The following TESK2 variants were observed in gnomAD, a reference collection of about 807,000 sequenced individuals.
TESK2 encodes the protein dual specificity testis-specific protein kinase 2.
In TESK2, 39 loss-of-function variants were observed where a neutral mutation model predicts 57.1. That is an observed-to-expected ratio of 0.68 (90% CI 0.53 to 0.89). The LOEUF (loss-of-function observed/expected upper bound fraction) is 0.89, where lower values mean the gene tolerates loss of function less well. Ranked by LOEUF, TESK2 falls within the 40% of genes least tolerant of loss-of-function variation. TESK2 has a pLI of 0.00. For missense variants in TESK2, 646 were observed against 732.1 expected (o/e 0.88, Z 1.36); for synonymous variants, 249 against 267.9 (o/e 0.93, Z 0.69).
At chr1:45,429,374 T>C (rs1276437592) in intron 2 of TESK2, among the ~76,000 whole-genome samples, 1 of 151,966 alleles carries the variant, frequency 6.6e-6, no homozygotes, top group Non-Finnish European at 1.5e-5. Context: ...CCAGCCTGGG[T>C]GACAGAGCGC....
intron 1 of TESK2, among the ~76,000 whole-genome samples, chr1:45,484,104 CTTTTTTTTTT>C (rs533666070): frequency 8.2e-5 from 7 of 84,862 alleles, no homozygotes; most frequent in Non-Finnish European, 1.6e-4. Flanking sequence ...TTTAATTCTT[CTTTTTTTTTT>C]TTTTTTTTTT....
At position 45,355,356 on chromosome 1, in the gene TESK2, C is replaced by G; in HGVS notation, c.487G>C (p.Gly163Arg). The change falls in exon 5 of 11, where the codon GGC becomes CGC. Residue 163 changes from glycine (G) to arginine (R), a missense_variant. Physicochemically the swap from Gly to Arg is moderately radical, Grantham distance 125. Coordinates refer to ENST00000372086, the MANE Select transcript of TESK2 (RefSeq NM_007170.3). ...RVKLAYDIAV[G>R]LSYLHFKGIF... is the part of the protein sequence containing the mutation. ...CCTTTGAAGTGAAGGTAGCTGAGGC[C>G]CACTGCTATGTCATAGGCCAGTTTT... 2 of 1,613,794 alleles carry G rather than the reference C, an allele frequency of 1.2e-6. No individual in the cohort carries two copies. The highest frequency in any genetic ancestry group is 2.7e-5 in the African/African-American group (2 of 74,950).
intron 4 of TESK2, among the ~76,000 whole-genome samples, chr1:45,369,563 TAGG>T (rs1261482301): frequency 6.6e-6 from 1 of 151,826 alleles, no homozygotes; most frequent in African/African-American, 2.4e-5. Context: ...AAATTCTATA[TAGG>T]AGAAGATGAA....
At chr1:45,384,610 T>TTA in intron 4 of TESK2, among the ~76,000 whole-genome samples, 1 of 123,648 alleles carries the variant, frequency 8.1e-6, no homozygotes, top group South Asian at 2.7e-4. Flanking sequence ...TTTTTTTTTT[T>TTA]TTTTTTTTTT....
At position 45,398,912 on chromosome 1, in the gene TESK2, C is replaced by T. The variant is rs1200937572; in HGVS notation, c.345-12952G>A. On this transcript the variant is annotated intron_variant, in intron 3 of 10. Coordinates refer to ENST00000372086, the MANE Select transcript of TESK2 (RefSeq NM_007170.3). Reference sequence around the variant, plus strand: ...AGATGCAGAAGATCCAGTGGAGGAACCTGAGGCCCTCTTCTAGGTGAAAAT... The same window carrying T: ...AGATGCAGAAGATCCAGTGGAGGAATCTGAGGCCCTCTTCTAGGTGAAAAT... 5 of 426,410 alleles carry T rather than the reference C, an allele frequency of 1.2e-5. No homozygotes were observed. The Admixed American group carries it at 1.2e-4, about 10-fold the overall frequency. The allele number at this position is 426,410 out of a possible 1,614,324, so 26.4% of individuals were successfully genotyped here.
In TESK2 at chr1:45,457,742, C is replaced by T. The variant is rs761606482; in HGVS notation, c.44G>A (p.Arg15His). ...TTCAAACTCTTCAAGACGCTCCACA[C>T]GTGGAGGAAATCCTGCAATTGAATT... Reference protein sequence around the residue: ...KRNSIAGFPPRVERLEEFEGG... With the variant: ...KRNSIAGFPPHVERLEEFEGG... The change falls in exon 2 of 11, where the codon CGT (arginine) becomes CAT (histidine). Residue 15 changes from arginine to histidine, a missense_variant. Transcript: ENST00000372086. 8 of 1,614,024 alleles carry T rather than the reference C, an allele frequency of 5.0e-6. No homozygotes were observed. The highest frequency in any genetic ancestry group is 2.2e-5 in the East Asian group (1 of 44,898).
At chr1:45,465,040 C>G (rs552812604) in intron 1 of TESK2, among the ~76,000 whole-genome samples, 1 of 151,924 alleles carries the variant, frequency 6.6e-6, no homozygotes, top group Non-Finnish European at 1.5e-5. Context: ...AGTTCGAGAC[C>G]GGCCTGGCCA....
chr1:45,440,103 C>T (rs1033069620), intron 2 of TESK2, among the ~76,000 whole-genome samples: 1 of 151,948 alleles, frequency 6.6e-6, no homozygotes, highest in Admixed American at 6.6e-5. Context: ...AGACATGCAC[C>T]AGTACACCTG....
At chr1:45,458,827 T>A (rs1652221335) in intron 1 of TESK2, among the ~76,000 whole-genome samples, 1 of 152,172 alleles carries the variant, frequency 6.6e-6, no homozygotes, top group South Asian at 2.1e-4. Flanking sequence ...GAAGGCTCCA[T>A]CCCATCTGGT....
rs149004028 is a variant in TESK2, at chr1:45,429,351, G to A, written c.223-7505C>T. Among the ~76,000 whole-genome samples the A allele has an allele frequency of 3.4e-3, 514 of 152,054 alleles. 4 individuals carry two copies. Among genetic ancestry groups the A allele is most frequent in the East Asian group, 0.029 (149 of 5,110 alleles). On this transcript the variant is annotated intron_variant, in intron 2 of 10. Coordinates refer to ENST00000372086, the MANE Select transcript of TESK2 (RefSeq NM_007170.3). The stretch of plus-strand genomic sequence containing the variant: ...GCAGAGGTTGCAGTGAGCCGAGATT[G>A]TGCCATTGCACTCCAGCCTGGGTGA...
chr1:45,438,487 C>T (rs1230243237), intron 2 of TESK2, among the ~76,000 whole-genome samples: 1 of 152,166 alleles, frequency 6.6e-6, no homozygotes, highest in African/African-American at 2.4e-5. Flanking sequence ...CAGAGTAAGA[C>T]TCTGTTAAAA....
intron 5 of TESK2, among the ~76,000 whole-genome samples, chr1:45,351,489 G>A (rs1456630624): frequency 1.3e-5 from 2 of 152,224 alleles, no homozygotes; most frequent in African/African-American, 4.8e-5. Context: ...CAGGAGGCAC[G>A]TTGATAGGAA....
At chr1:45,390,608 C>T (rs1450072950) in intron 3 of TESK2, among the ~76,000 whole-genome samples, 2 of 148,930 alleles carry the variant, frequency 1.3e-5, no homozygotes, top group African/African-American at 5.0e-5. Flanking sequence ...AAGAGTCTTA[C>T]TTTGTTGCCC....
chr1:45,475,085 A>AAG (rs1557588072), intron 1 of TESK2, among the ~76,000 whole-genome samples: 11 of 146,184 alleles, frequency 7.5e-5, no homozygotes, highest in Non-Finnish European at 1.1e-4. Flanking sequence ...AAAAAAAAGA[A>AAG]AAGAAAAGAA....
At chr1:45,374,614 GT>G (rs1385667958) in intron 4 of TESK2, among the ~76,000 whole-genome samples, 1 of 152,146 alleles carries the variant, frequency 6.6e-6, no homozygotes, top group African/African-American at 2.4e-5. Flanking sequence ...TAATACAGCA[GT>G]TGAAAAATGC....
chr1:45,399,564 C>G (rs570645460), intron 3 of TESK2, among the ~76,000 whole-genome samples: 39 of 152,314 alleles, frequency 2.6e-4, no homozygotes, highest in African/African-American at 9.1e-4. Context: ...ATCCGCCCGC[C>G]TTGGCCTCCC....
intron 3 of TESK2, among the ~76,000 whole-genome samples, chr1:45,401,256 G>A (rs1370805503): frequency 6.6e-6 from 1 of 151,204 alleles, no homozygotes; most frequent in Non-Finnish European, 1.5e-5. Context: ...AATTAGCTGG[G>A]CGTGGTTGCA....
intron 4 of TESK2, among the ~76,000 whole-genome samples, chr1:45,381,059 T>C (rs747758603): frequency 6.6e-6 from 1 of 152,252 alleles, no homozygotes; most frequent in Non-Finnish European, 1.5e-5. Flanking sequence ...TTTTCTCATC[T>C]ACAAAATGGA....
intron 4 of TESK2, among the ~76,000 whole-genome samples, chr1:45,377,546 G>A (rs1648482658): frequency 6.6e-6 from 1 of 151,002 alleles, no homozygotes; most frequent in Non-Finnish European, 1.5e-5. Flanking sequence ...AGCCTCCCGA[G>A]TAGCTGGGAT....
Sources: gnomAD v4.1 joint callset for allele counts (sites outside exome capture counted in the v4.1 genomes callset) on GRCh38, gnomAD v4.1.1 for gene constraint, MANE v1.5 for transcripts, NCBI Gene and HGNC (gene_info 2026-07-23, HGNC 2026-07-21) for gene names.